Variants in CNTN4 observed in about 807,000 individuals in gnomAD.
The protein encoded by CNTN4 is contactin 4.
Under a neutral mutation model 122.5 loss-of-function variants are expected in CNTN4, and 77 were observed. The observed-to-expected ratio is 0.63, with a 90% CI of 0.52 to 0.76. The LOEUF is 0.76. CNTN4 is among the 30% of genes least tolerant of loss of function. The pLI, the probability that CNTN4 is intolerant of heterozygous loss-of-function variation, is 0.00. For missense variants in CNTN4, 1,256 were observed against 1,259.1 expected (o/e 1.00, Z 0.04); for synonymous variants, 512 against 447.0 (o/e 1.15, Z -1.83).
At chr3:2,668,417 G>A (rs558705484) in intron 4 of CNTN4, among the ~76,000 whole-genome samples, 2 of 152,316 alleles carry the variant, frequency 1.3e-5, no homozygotes, top group East Asian at 1.9e-4. Flanking sequence ...ATATAAGAAT[G>A]CTTGTGATTT....
chr3:2,850,178 C>A (rs1280124242), intron 7 of CNTN4, among the ~76,000 whole-genome samples: 1 of 151,972 alleles, frequency 6.6e-6, no homozygotes, highest in Non-Finnish European at 1.5e-5. Context: ...TTAGTAGAGA[C>A]CAGGTTTCAC....
intron 14 of CNTN4, among the ~76,000 whole-genome samples, chr3:2,997,019 A>G (rs138563555): frequency 6.6e-5 from 10 of 152,322 alleles, no homozygotes; most frequent in African/African-American, 1.4e-4. Flanking sequence ...TCATCCTGCC[A>G]TAGAGCTATT....
At chr3:2,472,506 T>G (rs991824085) in intron 3 of CNTN4, among the ~76,000 whole-genome samples, 1 of 152,202 alleles carries the variant, frequency 6.6e-6, no homozygotes, top group African/African-American at 2.4e-5. Flanking sequence ...CCCAAAGTGC[T>G]GGGATTACTG....
intron 3 of CNTN4, among the ~76,000 whole-genome samples, chr3:2,426,617 A>G (rs998175511): frequency 4.0e-5 from 6 of 151,896 alleles, no homozygotes; most frequent in East Asian, 1.9e-4. Flanking sequence ...TTCTTTTTCT[A>G]TTGATTGGAA....
chr3:2,908,284 C>G (rs902799603), intron 12 of CNTN4, among the ~76,000 whole-genome samples: 5 of 152,186 alleles, frequency 3.3e-5, no homozygotes, highest in African/African-American at 1.2e-4. Context: ...AGTAATAGTT[C>G]TACCCATGTT....
intron 2 of CNTN4, among the ~76,000 whole-genome samples, chr3:2,206,535 G>T (rs2038350803): frequency 6.6e-6 from 1 of 151,950 alleles, no homozygotes; most frequent in African/African-American, 2.4e-5. Context: ...GACATATTTG[G>T]TTTTTCTTTG....
chr3:2,913,791 C>T (rs1342137576), intron 12 of CNTN4, among the ~76,000 whole-genome samples: 1 of 152,082 alleles, frequency 6.6e-6, no homozygotes, highest in Non-Finnish European at 1.5e-5. Context: ...TGTGAACAAC[C>T]CTGTAGGCCA....
intron 6 of CNTN4, among the ~76,000 whole-genome samples, chr3:2,784,320 G>T (rs190882523): frequency 1.4e-4 from 21 of 152,248 alleles, no homozygotes; most frequent in Middle Eastern, 3.4e-3. Context: ...TAATCATTAT[G>T]CTAGGCAAAC....
chr3:2,959,203 A>G lies in CNTN4; in HGVS notation c.1359-29142A>G, dbSNP rs150261218. Among the ~76,000 whole-genome samples, 78 of 152,324 alleles carry G rather than the reference A, an allele frequency of 5.1e-4. 1 individual carries two copies. In the East Asian group the frequency reaches 0.014, roughly 28 times the overall value. On this transcript the variant is annotated intron_variant, in intron 13 of 24. Coordinates refer to ENST00000418658, the MANE Select transcript of CNTN4 (RefSeq NM_175607.3). ...GAAACTACAGCAATTTTTTGACATC[A>G]GGAAAAGAATATAGTCCTGCAAAGT...
At chr3:2,779,077 A>G (rs1233532277) in intron 6 of CNTN4, among the ~76,000 whole-genome samples, 1 of 152,174 alleles carries the variant, frequency 6.6e-6, no homozygotes, top group African/African-American at 2.4e-5. Context: ...TGTTTTATAT[A>G]TAGCTGACAA....
intron 3 of CNTN4, among the ~76,000 whole-genome samples, chr3:2,340,513 C>G (rs2044141858): frequency 6.6e-6 from 1 of 150,788 alleles, no homozygotes; most frequent in Non-Finnish European, 1.5e-5. Context: ...GACCCTGTCT[C>G]TATGAAAAAC....
intron 4 of CNTN4, among the ~76,000 whole-genome samples, chr3:2,690,091 C>G (rs1242006661): frequency 6.6e-6 from 1 of 152,118 alleles, no homozygotes; most frequent in Non-Finnish European, 1.5e-5. Flanking sequence ...GTCCTCTTGT[C>G]TTTATAATCT....
At chr3:3,001,020 G>A (rs570883175) in intron 14 of CNTN4, among the ~76,000 whole-genome samples, 7 of 151,708 alleles carry the variant, frequency 4.6e-5, no homozygotes, top group South Asian at 2.1e-4. Context: ...AAAAGTATCC[G>A]TTTTCTATTT....
chr3:2,468,294 T>C (rs746051785), intron 3 of CNTN4, among the ~76,000 whole-genome samples: 2 of 152,194 alleles, frequency 1.3e-5, no homozygotes, highest in African/African-American at 2.4e-5. Flanking sequence ...TTCAGGAATT[T>C]CCTCGAGACC....
At chr3:2,488,588 A>G (rs2076229601) in intron 3 of CNTN4, among the ~76,000 whole-genome samples, 1 of 152,208 alleles carries the variant, frequency 6.6e-6, no homozygotes, top group Admixed American at 6.5e-5. Flanking sequence ...TGTTTTGATT[A>G]ATCTTTCTTA....
intron 6 of CNTN4, among the ~76,000 whole-genome samples, chr3:2,818,430 G>T (rs2092789223): frequency 6.6e-6 from 1 of 152,142 alleles, no homozygotes; most frequent in Non-Finnish European, 1.5e-5. Flanking sequence ...CAGCATGGAG[G>T]AAATCATCCA....
At chr3:2,407,110 G>A (rs1053824590) in intron 3 of CNTN4, among the ~76,000 whole-genome samples, 9 of 152,106 alleles carry the variant, frequency 5.9e-5, no homozygotes, top group Non-Finnish European at 1.0e-4. Flanking sequence ...CTTTTATTTA[G>A]GGAGTTTTTA....
intron 3 of CNTN4, among the ~76,000 whole-genome samples, chr3:2,437,576 A>G (rs1392623943): frequency 1.3e-5 from 2 of 152,338 alleles, no homozygotes; most frequent in Admixed American, 6.5e-5. Flanking sequence ...CATAAGTTCT[A>G]AAAATTTTAA....
chr3:2,260,736 T>TTA (rs1355110998), intron 2 of CNTN4, among the ~76,000 whole-genome samples: 1 of 150,812 alleles, frequency 6.6e-6, no homozygotes, highest in Non-Finnish European at 1.5e-5. Context: ...TTATTTATTT[T>TTA]TTTTTTGAGA....
Sources: gnomAD v4.1 joint callset for allele counts (sites outside exome capture counted in the v4.1 genomes callset) on GRCh38, gnomAD v4.1.1 for gene constraint, MANE v1.5 for transcripts, NCBI Gene and HGNC (gene_info 2026-07-23, HGNC 2026-07-21) for gene names.